Variants in NCOA2 observed in about 807,000 individuals in gnomAD.
NCOA2 encodes nuclear receptor coactivator 2.
NCOA2 carries 21 observed loss-of-function variants against 145.1 expected under a neutral mutation model. The ratio of observed to expected loss-of-function variants is 0.14; its 90% CI spans 0.10 to 0.21. NCOA2 has a LOEUF of 0.21. Ranked by LOEUF, NCOA2 falls within the 10% of genes least tolerant of loss-of-function variation. The pLI is 1.00. For missense variants in NCOA2, 1,472 were observed against 1,837.6 expected (o/e 0.80, Z 3.64); for synonymous variants, 619 against 637.5 (o/e 0.97, Z 0.44).
At chr8:70,190,321 G>C (rs2133227371) in intron 4 of NCOA2, among the ~76,000 whole-genome samples, 1 of 152,228 alleles carries the variant, frequency 6.6e-6, no homozygotes, top group African/African-American at 2.4e-5. Context: ...AACTACAAAA[G>C]CATCTATACA....
intron 18 of NCOA2, among the ~76,000 whole-genome samples, chr8:70,128,086 G>A (rs1808646666): frequency 6.6e-6 from 1 of 152,170 alleles, no homozygotes; most frequent in South Asian, 2.1e-4. Context: ...CATAAAACAA[G>A]GTTATGTGTT....
At chr8:70,226,958 TCA>T (rs1820707233) in intron 2 of NCOA2, among the ~76,000 whole-genome samples, 1 of 151,646 alleles carries the variant, frequency 6.6e-6, no homozygotes, top group South Asian at 2.1e-4. Context: ...TACGCAGGCT[TCA>T]CAGATTCCAC....
chr8:70,205,645 G>C (rs1818357782), intron 4 of NCOA2, among the ~76,000 whole-genome samples: 1 of 152,124 alleles, frequency 6.6e-6, no homozygotes, highest in Non-Finnish European at 1.5e-5. Context: ...GACCCAGAAG[G>C]AGGAAACCAC....
At chr8:70,178,110 A>T (rs1815069784) in intron 4 of NCOA2, among the ~76,000 whole-genome samples, 2 of 152,144 alleles carry the variant, frequency 1.3e-5, no homozygotes, top group Admixed American at 1.3e-4. Flanking sequence ...TAACTCAATC[A>T]GGCAGGTTCC....
intron 4 of NCOA2, among the ~76,000 whole-genome samples, chr8:70,187,495 A>C (rs930978605): frequency 6.6e-6 from 1 of 152,254 alleles, no homozygotes. Flanking sequence ...ATGTCTATTT[A>C]AAGTCTAACA....
At chr8:70,436,554 A>G in the NCOA2 span, among the ~76,000 whole-genome samples, 2 of 152,206 alleles carry the variant, frequency 1.3e-5, no homozygotes, top group African/African-American at 4.8e-5. Flanking sequence ...GTTTGCCTAG[A>G]TGTAACAATA....
intron 10 of NCOA2, 89 bp from the exon 11 acceptor site, chr8:70,157,329 C>T: frequency 8.5e-7 from 1 of 1,174,762 alleles, no homozygotes; most frequent in Non-Finnish European, 1.2e-6. Context: ...ATGGCCTCTT[C>T]ACCTTAAAAG....
chr8:70,345,846 G>C (rs895980871), intron 1 of NCOA2, among the ~76,000 whole-genome samples: 2 of 152,132 alleles, frequency 1.3e-5, no homozygotes, highest in Non-Finnish European at 2.9e-5. Context: ...GCAGAGCTGA[G>C]GCTAGAAGGC....
intron 2 of NCOA2, among the ~76,000 whole-genome samples, chr8:70,296,011 G>A (rs1265498191): frequency 6.6e-6 from 1 of 152,156 alleles, no homozygotes; most frequent in Non-Finnish European, 1.5e-5. Flanking sequence ...CAGTGTCTCT[G>A]AATATAAATA....
intron 7 of NCOA2, among the ~76,000 whole-genome samples, chr8:70,165,177 T>C (rs1032163741): frequency 6.6e-6 from 1 of 152,228 alleles, no homozygotes; most frequent in Non-Finnish European, 1.5e-5. Flanking sequence ...CTCCGCTGCA[T>C]AAAACAAAAT....
chr8:70,453,717 C>T, the NCOA2 span, among the ~76,000 whole-genome samples: 1 of 152,194 alleles, frequency 6.6e-6, no homozygotes, highest in African/African-American at 2.4e-5. Context: ...TTTCCTTTCT[C>T]CATCCTTTTC....
intron 1 of NCOA2, among the ~76,000 whole-genome samples, chr8:70,392,559 T>C (rs1362258363): frequency 6.6e-6 from 1 of 152,262 alleles, no homozygotes; most frequent in Non-Finnish European, 1.5e-5. Flanking sequence ...AATTTCATTA[T>C]TTATCTATTA....
chr8:70,342,832 G>T (rs1808271239), intron 1 of NCOA2, among the ~76,000 whole-genome samples: 2 of 139,342 alleles, frequency 1.4e-5, no homozygotes, highest in Admixed American at 1.5e-4. Flanking sequence ...TCCCTACATG[G>T]TTAGAAAATC....
chr8:70,235,823 A>G (rs1821552506), intron 2 of NCOA2, among the ~76,000 whole-genome samples: 1 of 152,184 alleles, frequency 6.6e-6, no homozygotes, highest in South Asian at 2.1e-4. Flanking sequence ...CAGCCTGGAC[A>G]ATAGAGTGAG....
At chr8:70,139,644 CTTTTTTTTTTTTT>C (rs911504754) in intron 14 of NCOA2, among the ~76,000 whole-genome samples, 4 of 91,856 alleles carry the variant, frequency 4.4e-5, no homozygotes, top group East Asian at 3.6e-4. Context: ...CGCTGGCCAT[CTTTTTTTTTTTTT>C]TTTTTTTTTT....
At chr8:70,402,605 G>T (rs978231903) in intron 1 of NCOA2, 1 of 151,336 alleles carries the variant, frequency 6.6e-6, no homozygotes, top group Non-Finnish European at 1.5e-5. Flanking sequence ...CCCCCCAGGG[G>T]CCCGAGAGGG....
At chr8:70,121,946 A>ACACAC (rs1481439359) in intron 21 of NCOA2, among the ~76,000 whole-genome samples, 4 of 152,380 alleles carry the variant, frequency 2.6e-5, no homozygotes, top group Admixed American at 6.5e-5. Flanking sequence ...TTGTAGGAAG[A>ACACAC]CACACTGCAG....
At chr8:70,214,180 C>T in intron 3 of NCOA2, 105 bp from the exon 4 acceptor site, 2 of 1,036,960 alleles carry the variant, frequency 1.9e-6, no homozygotes, top group Non-Finnish European at 2.8e-6. Flanking sequence ...ACAAAAGCTA[C>T]CTATATAAAC....
At chr8:70,138,129 G>T in intron 15 of NCOA2, 74 bp downstream of exon 15, 1 of 1,493,408 alleles carries the variant, frequency 6.7e-7, no homozygotes, top group South Asian at 1.3e-5. Context: ...GTCAGGCACC[G>T]ACTACTCCAA....
Sources: allele counts gnomAD v4.1 joint callset (sites outside exome capture counted in the v4.1 genomes callset), GRCh38; gene constraint gnomAD v4.1.1; transcripts MANE v1.5; gene names NCBI Gene and HGNC (gene_info 2026-07-23, HGNC 2026-07-21).